The following SPMIP2 variants were observed in gnomAD, a reference collection of about 807,000 sequenced individuals.
SPMIP2 encodes protein SPMIP2.
chr4:159,071,731 T>C, the SPMIP2 span, among the ~76,000 whole-genome samples: 1 of 152,106 alleles, frequency 6.6e-6, no homozygotes, highest in Non-Finnish European at 1.5e-5. Context: ...GTTGGCTCAG[T>C]AGAAGAGACT....
chr4:159,047,898 T>A, the SPMIP2 span, among the ~76,000 whole-genome samples: 4 of 152,204 alleles, frequency 2.6e-5, no homozygotes, highest in African/African-American at 9.6e-5. Flanking sequence ...AAGACGGGGT[T>A]TCAAATATGT....
chr4:159,069,747 AT>A, the SPMIP2 span, among the ~76,000 whole-genome samples: 22 of 151,678 alleles, frequency 1.5e-4, no homozygotes, highest in East Asian at 7.7e-4. Flanking sequence ...CATGATACAT[AT>A]TTTTTTTTCT....
chr4:158,966,569 A>G, the SPMIP2 span, among the ~76,000 whole-genome samples: 1 of 152,184 alleles, frequency 6.6e-6, no homozygotes, highest in Admixed American at 6.5e-5. Context: ...TTAGCCTTGT[A>G]TGTCACTATC....
the SPMIP2 span, among the ~76,000 whole-genome samples, chr4:159,003,623 ATGAT>A: frequency 6.6e-6 from 1 of 152,216 alleles, no homozygotes; most frequent in Non-Finnish European, 1.5e-5. Context: ...CCTTGTGAGA[ATGAT>A]TTTACACAGG....
At chr4:159,032,768 C>A in the SPMIP2 span, among the ~76,000 whole-genome samples, 1 of 145,718 alleles carries the variant, frequency 6.9e-6, no homozygotes. Flanking sequence ...GGATAAAAAT[C>A]TAAATGACCT....
the SPMIP2 span, among the ~76,000 whole-genome samples, chr4:158,920,655 A>T: frequency 6.6e-6 from 1 of 152,124 alleles, no homozygotes; most frequent in East Asian, 1.9e-4. Flanking sequence ...TCTGCTCTTG[A>T]ACCCTGTTTT....
At chr4:158,940,647 G>A in the SPMIP2 span, among the ~76,000 whole-genome samples, 1 of 150,464 alleles carries the variant, frequency 6.6e-6, no homozygotes, top group Admixed American at 6.7e-5. Flanking sequence ...TATTGCAAAG[G>A]TGGAATTAAT....
At chr4:159,003,688 A>G in the SPMIP2 span, among the ~76,000 whole-genome samples, 1 of 152,236 alleles carries the variant, frequency 6.6e-6, no homozygotes, top group African/African-American at 2.4e-5. Context: ...ATTTCACTCT[A>G]AAAAAGAAAG....
the SPMIP2 span, chr4:158,893,549 T>G: frequency 1.7e-6 from 1 of 605,630 alleles, no homozygotes; most frequent in African/African-American, 1.8e-5. Flanking sequence ...TCCAAACTGT[T>G]TATTTGGGCT....
At chr4:159,020,953 G>A in the SPMIP2 span, among the ~76,000 whole-genome samples, 1 of 152,124 alleles carries the variant, frequency 6.6e-6, no homozygotes, top group Non-Finnish European at 1.5e-5. Flanking sequence ...AGTGGAGACG[G>A]GGTTTCACCG....
At chr4:159,045,256 CTAAT>C in the SPMIP2 span, among the ~76,000 whole-genome samples, 8 of 152,002 alleles carry the variant, frequency 5.3e-5, no homozygotes, top group Non-Finnish European at 1.2e-4. Context: ...AATAATTTGT[CTAAT>C]TACTATAAAA....
chr4:158,964,988 C>T, the SPMIP2 span, among the ~76,000 whole-genome samples: 4 of 152,180 alleles, frequency 2.6e-5, no homozygotes, highest in African/African-American at 9.7e-5. Context: ...TACAATTCTA[C>T]ATGAGATTTG....
chr4:159,003,388 GAATT>G, the SPMIP2 span, among the ~76,000 whole-genome samples: 6 of 152,106 alleles, frequency 3.9e-5, no homozygotes, highest in Non-Finnish European at 8.8e-5. Context: ...TTTGTTGTAA[GAATT>G]AAGTAAGGTA....
chr4:159,060,281 GAGGGGAGC>G, the SPMIP2 span, among the ~76,000 whole-genome samples: 2 of 152,296 alleles, frequency 1.3e-5, no homozygotes, highest in East Asian at 3.9e-4. Flanking sequence ...GCCTAGTGGG[GAGGGGAGC>G]AGCACTGCTT....
At chr4:158,973,632 C>G in the SPMIP2 span, among the ~76,000 whole-genome samples, 4 of 152,118 alleles carry the variant, frequency 2.6e-5, no homozygotes, top group Non-Finnish European at 4.4e-5. Context: ...TGTACCCAGA[C>G]AGGCTGATGC....
At chr4:158,951,755 T>C in the SPMIP2 span, among the ~76,000 whole-genome samples, 1 of 152,208 alleles carries the variant, frequency 6.6e-6, no homozygotes, top group Non-Finnish European at 1.5e-5. Flanking sequence ...CAAGTTCCCA[T>C]GTGTGAGTTC....
At chr4:158,989,758 G>A in the SPMIP2 span, among the ~76,000 whole-genome samples, 1 of 152,276 alleles carries the variant, frequency 6.6e-6, no homozygotes, top group African/African-American at 2.4e-5. Flanking sequence ...TTAAATGTAA[G>A]ACCTAAAACC....
At chr4:158,915,675 G>A in the SPMIP2 span, among the ~76,000 whole-genome samples, 1 of 152,178 alleles carries the variant, frequency 6.6e-6, no homozygotes, top group Non-Finnish European at 1.5e-5. Flanking sequence ...TGCTAACACT[G>A]AGGCTTCATG....
At chr4:159,082,449 C>CTGTGTGTGTGTGTGTGTG in the SPMIP2 span, among the ~76,000 whole-genome samples, 44 of 111,652 alleles carry the variant, frequency 3.9e-4, no homozygotes, top group South Asian at 1.2e-3. Flanking sequence ...CCACTTTTCT[C>CTGTGTGTGTGTGTGTGTG]TGTGTGTGTG....
Sources: gnomAD v4.1 joint callset for allele counts (sites outside exome capture counted in the v4.1 genomes callset) on GRCh38, gnomAD v4.1.1 for gene constraint, MANE v1.5 for transcripts, NCBI Gene and HGNC (gene_info 2026-07-23, HGNC 2026-07-21) for gene names.